Variants in CDIN1 observed in about 807,000 individuals in gnomAD.
CDIN1 encodes the protein CDAN1 interacting nuclease 1, also known as CDAN1-interacting nuclease 1.
In CDIN1, 33 loss-of-function variants were observed where a neutral mutation model predicts 45.3. The ratio of observed to expected loss-of-function variants is 0.73; its 90% CI spans 0.55 to 0.97. The LOEUF is 0.97. Ranked by LOEUF, CDIN1 falls within the 50% of genes least tolerant of loss-of-function variation. CDIN1 has a pLI of 0.00. For synonymous variants in CDIN1, 118 were observed against 124.4 expected (o/e 0.95, Z 0.34); for missense variants, 303 against 339.4 (o/e 0.89, Z 0.84).
intron 1 of CDIN1, chr15:36,614,112 C>T (rs1183287526): frequency 1.3e-6 from 1 of 782,790 alleles, no homozygotes; most frequent in Non-Finnish European, 2.3e-6. Context: ...CTGGAAATGA[C>T]TTGGAAGATA....
At chr15:36,684,033 G>T (rs901236390) in intron 5 of CDIN1, among the ~76,000 whole-genome samples, 2 of 150,422 alleles carry the variant, frequency 1.3e-5, no homozygotes, top group East Asian at 1.9e-4. Context: ...GGGACAATTT[G>T]ACTTTCTCTT....
At chr15:36,710,131 A>G (rs2043004428) in intron 10 of CDIN1, among the ~76,000 whole-genome samples, 170 bp downstream of exon 10, 1 of 152,130 alleles carries the variant, frequency 6.6e-6, no homozygotes, top group Non-Finnish European at 1.5e-5. Flanking sequence ...TGCTTTCATA[A>G]TGTTGCTTCA....
chr15:36,651,751 G>A (rs2040584793), intron 3 of CDIN1, among the ~76,000 whole-genome samples: 1 of 152,124 alleles, frequency 6.6e-6, no homozygotes, highest in African/African-American at 2.4e-5. Context: ...TCAGTGCCCT[G>A]GGGTTTGGTT....
rs201904642 is a variant in CDIN1, at chr15:36,748,109, ATC to A, written c.716+38153_716+38154del. The stretch of plus-strand genomic sequence containing the variant: ...CTCTCATTTGTATGACCTGGGGCAA[ATC>A]TCTCAATTTCTCTCTCTTTTCTTAC... On this transcript the variant is annotated intron_variant, in intron 10 of 10. Transcript: ENST00000566621. 3.8e-3 allele frequency among the ~76,000 whole-genome samples: 577 copies of A among 152,284 alleles called. 3 individuals carry two copies. The highest frequency in any genetic ancestry group is 0.013 in the African/African-American group (541 of 41,560).
At chr15:36,793,519 T>C (rs1270143115) in intron 10 of CDIN1, among the ~76,000 whole-genome samples, 2 of 152,220 alleles carry the variant, frequency 1.3e-5, no homozygotes, top group Admixed American at 1.3e-4. Flanking sequence ...GATAAATTAC[T>C]GTACACTTTG....
chr15:36,742,054 G>C (rs966011045), intron 10 of CDIN1, among the ~76,000 whole-genome samples: 2 of 152,024 alleles, frequency 1.3e-5, no homozygotes, highest in Non-Finnish European at 2.9e-5. Context: ...GTTCCTTTGT[G>C]AACTGAAAAT....
At chr15:36,744,085 C>A (rs111921374) in intron 10 of CDIN1, among the ~76,000 whole-genome samples, 2,119 of 151,092 alleles carry the variant, frequency 0.014, 23 homozygotes, top group Non-Finnish European at 0.021. Context: ...ACTTTGCAAA[C>A]ATTTTTTTCT....
At chr15:36,795,240 CTG>C (rs1215293508) in intron 10 of CDIN1, among the ~76,000 whole-genome samples, 1 of 152,064 alleles carries the variant, frequency 6.6e-6, no homozygotes, top group East Asian at 1.9e-4. Context: ...AGTAGGGTGA[CTG>C]TAGTTAACAA....
chr15:36,701,831 G>A (rs60968201), intron 8 of CDIN1, among the ~76,000 whole-genome samples: 3,065 of 152,234 alleles, frequency 0.02, 106 homozygotes, highest in African/African-American at 0.07. Context: ...ATTACTCTGT[G>A]GGACTCTGAG....
chr15:36,792,517 A>G lies in CDIN1; in HGVS notation c.717-15807A>G, dbSNP rs79599452. On this transcript the variant is annotated intron_variant, in intron 10 of 10. Transcript: ENST00000566621. ...GTTTATATACACATACTTTGTCCCA[A>G]TGACTCCGGAAAGTTGAGCCCTCAG... 4.6e-3 allele frequency among the ~76,000 whole-genome samples: 676 copies of G among 147,942 alleles called. 6 individuals carry two copies. The highest frequency in any genetic ancestry group is 0.016 in the African/African-American group (624 of 40,230).
At chr15:36,588,761 T>C (rs1792628446) in intron 1 of CDIN1, among the ~76,000 whole-genome samples, 2 of 152,168 alleles carry the variant, frequency 1.3e-5, no homozygotes, top group African/African-American at 4.8e-5. Context: ...ATTATGTTAG[T>C]GTATGGCCCC....
chr15:36,586,794 T>C (rs1296097429), intron 1 of CDIN1, among the ~76,000 whole-genome samples: 1 of 152,114 alleles, frequency 6.6e-6, no homozygotes, highest in African/African-American at 2.4e-5. Flanking sequence ...CAAAACAAAA[T>C]AGGATAATGT....
chr15:36,651,532 T>C (rs1010828121), intron 3 of CDIN1, among the ~76,000 whole-genome samples: 2 of 152,214 alleles, frequency 1.3e-5, no homozygotes, highest in East Asian at 3.9e-4. Flanking sequence ...AAGACAAATA[T>C]AACCTTAAAT....
chr15:36,617,184 C>T (rs1044416920), intron 1 of CDIN1: 5 of 883,836 alleles, frequency 5.7e-6, no homozygotes, highest in Non-Finnish European at 1.9e-6. Flanking sequence ...ATACTGATGC[C>T]ACCCCAGTAA....
At chr15:36,763,539 A>T (rs1187197195) in intron 10 of CDIN1, among the ~76,000 whole-genome samples, 1 of 152,112 alleles carries the variant, frequency 6.6e-6, no homozygotes, top group Non-Finnish European at 1.5e-5. Context: ...AGGTGTCAAA[A>T]CAATAAATCC....
chr15:36,796,450 A>G (rs946673661), intron 10 of CDIN1, among the ~76,000 whole-genome samples: 2 of 152,200 alleles, frequency 1.3e-5, no homozygotes, highest in African/African-American at 2.4e-5. Flanking sequence ...ATAGAAAAAA[A>G]TTACAAAGCC....
chr15:36,637,066 A>G (rs972466890), intron 1 of CDIN1, among the ~76,000 whole-genome samples: 11 of 152,230 alleles, frequency 7.2e-5, no homozygotes, highest in Admixed American at 5.2e-4. Flanking sequence ...ACAGTCATCA[A>G]AATGGTGTGG....
chr15:36,772,015 A>G (rs1487857449), intron 10 of CDIN1, among the ~76,000 whole-genome samples: 2 of 151,988 alleles, frequency 1.3e-5, no homozygotes, highest in East Asian at 1.9e-4. Context: ...TCATGCTGTT[A>G]AAAGAAATCT....
At chr15:36,786,769 C>T (rs1033740189) in intron 10 of CDIN1, among the ~76,000 whole-genome samples, 1 of 152,198 alleles carries the variant, frequency 6.6e-6, no homozygotes, top group African/African-American at 2.4e-5. Flanking sequence ...CCACCTCCAT[C>T]TCTGGGGTGT....
Sources: allele counts gnomAD v4.1 joint callset (sites outside exome capture counted in the v4.1 genomes callset), GRCh38; gene constraint gnomAD v4.1.1; transcripts MANE v1.5; gene names NCBI Gene and HGNC (gene_info 2026-07-23, HGNC 2026-07-21).